Variants in PVT1 observed in about 807,000 individuals in gnomAD.
PVT1 encodes CXCR4/PVT1 fusion.
chr8:127,978,098 C>T (rs909480367), intron 3 of PVT1, among the ~76,000 whole-genome samples: 1 of 152,214 alleles, frequency 6.6e-6, no homozygotes, highest in African/African-American at 2.4e-5. Context: ...TTCTTTCAAG[C>T]TGCTGATCAC....
intron 2 of PVT1, among the ~76,000 whole-genome samples, chr8:127,809,041 A>AAAG (rs555618837): frequency 1.8e-5 from 2 of 112,050 alleles, no homozygotes; most frequent in Admixed American, 8.4e-5. Flanking sequence ...AAAAAAAAAA[A>AAAG]AAAAAAAAAA....
Position 128,009,164 on chromosome 8 carries a change from ACAG to A in PVT1, n.912+19874_912+19876del, listed in dbSNP as rs145661347. Reference sequence around the variant, plus strand: ...ATTAGCAGAAACATTTTTGGGGGCCACAGGGTAAGGAAAAGAGGGGAAAATATT... The same window carrying A: ...ATTAGCAGAAACATTTTTGGGGGCCAGGTAAGGAAAAGAGGGGAAAATATT... On this transcript the variant is annotated intron_variant and non_coding_transcript_variant, in intron 4 of 10. Coordinates refer to ENST00000651587, the Ensembl canonical transcript of PVT1. Among the ~76,000 whole-genome samples the A allele has an allele frequency of 6.9e-3, 1,057 of 152,326 alleles. 18 individuals are homozygous for A. The highest frequency in any genetic ancestry group is 0.024 in the African/African-American group (1,011 of 41,564).
At chr8:127,811,739 T>G (rs1814597491) in intron 2 of PVT1, among the ~76,000 whole-genome samples, 2 of 152,206 alleles carry the variant, frequency 1.3e-5, no homozygotes. Context: ...ATGTTTTTGT[T>G]TTTTGTTTTT....
chr8:127,838,453 C>A (rs1413819336), intron 2 of PVT1, among the ~76,000 whole-genome samples: 1 of 152,038 alleles, frequency 6.6e-6, no homozygotes, highest in Non-Finnish European at 1.5e-5. Context: ...GCCTGTAATT[C>A]CAGCATTTTG....
chr8:127,843,516 C>T (rs368381267), intron 2 of PVT1, among the ~76,000 whole-genome samples: 4 of 152,014 alleles, frequency 2.6e-5, no homozygotes, highest in African/African-American at 9.7e-5. Flanking sequence ...GGTCTCGGCT[C>T]ACTGTAAGCT....
At chr8:128,045,217 G>A (rs1035099123) in intron 4 of PVT1, among the ~76,000 whole-genome samples, 3 of 152,172 alleles carry the variant, frequency 2.0e-5, no homozygotes, top group Non-Finnish European at 2.9e-5. Flanking sequence ...CAGGCACCAC[G>A]GCAGCCTGCT....
intron 3 of PVT1, among the ~76,000 whole-genome samples, chr8:127,926,589 G>A (rs926547491): frequency 2.6e-5 from 4 of 152,164 alleles, no homozygotes; most frequent in African/African-American, 9.7e-5. Flanking sequence ...CCTGTGGATG[G>A]CCTGAGTTGG....
intron 4 of PVT1, among the ~76,000 whole-genome samples, chr8:128,052,030 TAAG>T (rs1813704938): frequency 6.6e-6 from 1 of 152,240 alleles, no homozygotes; most frequent in South Asian, 2.1e-4. Flanking sequence ...CTACATATTT[TAAG>T]AAGTAGAGAT....
At chr8:127,912,389 G>T (rs566125889) in intron 3 of PVT1, among the ~76,000 whole-genome samples, 6 of 152,298 alleles carry the variant, frequency 3.9e-5, no homozygotes, top group Admixed American at 3.3e-4. Context: ...GAGGCTCAGA[G>T]GAATTAAGTA....
intron 4 of PVT1, among the ~76,000 whole-genome samples, chr8:128,017,323 GACCACAGAAGAA>G (rs1817385369): frequency 6.6e-6 from 1 of 152,230 alleles, no homozygotes; most frequent in South Asian, 2.1e-4. Context: ...GAGCAGAAAT[GACCACAGAAGAA>G]CAGGTGGGAA....
intron 3 of PVT1, among the ~76,000 whole-genome samples, chr8:127,912,186 A>G (rs1165258584): frequency 4.6e-5 from 7 of 152,232 alleles, no homozygotes; most frequent in African/African-American, 1.7e-4. Flanking sequence ...GCAGAAATCT[A>G]TACTAAACAT....
At chr8:127,901,498 G>A (rs1407136399) in intron 3 of PVT1, among the ~76,000 whole-genome samples, 1 of 152,200 alleles carries the variant, frequency 6.6e-6, no homozygotes, top group East Asian at 1.9e-4. Context: ...GGTCAGGAGG[G>A]GGAAACTTCT....
intron 2 of PVT1, among the ~76,000 whole-genome samples, chr8:127,878,281 T>C (rs891816339): frequency 2.0e-5 from 3 of 152,186 alleles, no homozygotes; most frequent in Non-Finnish European, 4.4e-5. Flanking sequence ...ATCTTGAGCC[T>C]AAAGATGAAG....
At chr8:128,033,587 G>C (rs1054646576) in intron 4 of PVT1, among the ~76,000 whole-genome samples, 1 of 152,198 alleles carries the variant, frequency 6.6e-6, no homozygotes, top group South Asian at 2.1e-4. Flanking sequence ...TTCAGAAGAA[G>C]GTCTTTTGAG....
At chr8:127,901,640 G>A in intron 3 of PVT1, among the ~76,000 whole-genome samples, 1 of 151,966 alleles carries the variant, frequency 6.6e-6, no homozygotes, top group East Asian at 1.9e-4. Context: ...TCAAACTTTT[G>A]AACTTGAGTG....
At chr8:128,026,989 AT>A (rs1218163416) in intron 4 of PVT1, among the ~76,000 whole-genome samples, 1 of 152,062 alleles carries the variant, frequency 6.6e-6, no homozygotes, top group African/African-American at 2.4e-5. Flanking sequence ...GCCTTCCTCG[AT>A]CTTCTTGAGT....
rs61601845 is a variant in PVT1, at chr8:127,894,983, C to A, written n.782+3985C>A. Among the ~76,000 whole-genome samples, 930 of 152,332 alleles carry A rather than the reference C, an allele frequency of 6.1e-3. 7 individuals are homozygous for A. The highest frequency in any genetic ancestry group is 0.024 in the Middle Eastern group (7 of 294). ...CCCAGAACGATAGCACTTTACAATC[C>A]TATAATTTGGCTCAAATTGCCTGCA... On this transcript the variant is annotated intron_variant and non_coding_transcript_variant, in intron 3 of 10. Coordinates refer to ENST00000651587, the Ensembl canonical transcript of PVT1.
intron 4 of PVT1, among the ~76,000 whole-genome samples, chr8:128,005,783 G>A (rs963909177): frequency 3.3e-5 from 5 of 152,088 alleles, no homozygotes; most frequent in Non-Finnish European, 5.9e-5. Context: ...AAAGGTGGAG[G>A]GTGATGAACA....
chr8:128,014,918 T>A (rs1353882199), intron 4 of PVT1, among the ~76,000 whole-genome samples: 1 of 152,136 alleles, frequency 6.6e-6, no homozygotes, highest in Admixed American at 6.6e-5. Context: ...CTGGGTGCTG[T>A]GGAAAGATCA....
Sources: gnomAD v4.1 joint callset for allele counts (sites outside exome capture counted in the v4.1 genomes callset) on GRCh38, gnomAD v4.1.1 for gene constraint, MANE v1.5 for transcripts, NCBI Gene and HGNC (gene_info 2026-07-23, HGNC 2026-07-21) for gene names.